MAP7: variants seen among roughly 807,000 people sequenced by gnomAD.
MAP7 encodes ensconsin.
A neutral mutation model predicts 94.8 loss-of-function variants in MAP7; 52 were observed. The observed-to-expected ratio is 0.55, with a 90% CI of 0.44 to 0.69. MAP7 has a LOEUF of 0.69. MAP7 is among the 30% of genes least tolerant of loss of function. The pLI, the probability that MAP7 is intolerant of heterozygous loss-of-function variation, is 0.00. For synonymous variants in MAP7, 350 were observed against 357.0 expected, an observed-to-expected ratio of 0.98 and a Z score of 0.22; for missense variants, 940 against 964.6, an observed-to-expected ratio of 0.97 and a Z score of 0.34.
Position 136,389,530 on chromosome 6 carries a change from TTAA to T in MAP7, c.245-16_245-14del, listed in dbSNP as rs751431543. The T allele has an allele frequency of 3.9e-4, 615 of 1,581,848 alleles. 1 individual carries two copies. Among genetic ancestry groups the T allele is most frequent in the Admixed American group, 3.5e-3 (196 of 55,714 alleles). Reference sequence around the variant, plus strand: ...ATTTCTCTTGCAGCTTTGGGGAGGGTTAAAAAAAAAAAAAAAGAGGGAAATCAA... The same window carrying T: ...ATTTCTCTTGCAGCTTTGGGGAGGGTAAAAAAAAAAAAAGAGGGAAATCAA... On this transcript the variant is annotated splice_polypyrimidine_tract_variant and intron_variant, in intron 3 of 17. Coordinates refer to ENST00000354570, the MANE Select transcript of MAP7 (RefSeq NM_003980.6).
intron 1 of MAP7, among the ~76,000 whole-genome samples, chr6:136,456,767 G>GGAGGAGGAAGAAGAAGAAGAAGAA (rs1179338276): frequency 2.8e-4 from 17 of 60,590 alleles, no homozygotes; most frequent in East Asian, 1.0e-3. Flanking sequence ...AGGAGGAGGA[G>GGAGGAGGAAGAAGAAGAAGAAGAA]GAAGAAGAAG....
chr6:136,449,296 C>CAAACA (rs1390095139), intron 1 of MAP7, among the ~76,000 whole-genome samples: 1 of 147,286 alleles, frequency 6.8e-6, no homozygotes, highest in Non-Finnish European at 1.5e-5. Context: ...CTCCTTCAAA[C>CAAACA]AAACAAACAA....
intron 1 of MAP7, among the ~76,000 whole-genome samples, chr6:136,434,164 G>A (rs962972399): frequency 2.6e-5 from 4 of 151,942 alleles, no homozygotes; most frequent in Admixed American, 6.6e-5. Flanking sequence ...AAGATTAGCC[G>A]GGCGTGGTGG....
chr6:136,439,962 G>C (rs1037292848), intron 1 of MAP7, among the ~76,000 whole-genome samples: 1 of 152,186 alleles, frequency 6.6e-6, no homozygotes, highest in Non-Finnish European at 1.5e-5. Context: ...CTGATGGCTA[G>C]TTTAATAGTG....
intron 7 of MAP7, 122 bp downstream of exon 7, chr6:136,377,633 C>T: frequency 1.4e-6 from 1 of 698,426 alleles, no homozygotes. Context: ...CCAACACCGA[C>T]AGACATTTCC....
chr6:136,423,782 G>GTTT (rs60134746), intron 1 of MAP7, among the ~76,000 whole-genome samples: 6 of 136,132 alleles, frequency 4.4e-5, no homozygotes, highest in Admixed American at 7.2e-5. Context: ...AGGGAGTTGT[G>GTTT]TTTTTTTTTT....
chr6:136,458,997 T>C (rs1562425106), intron 1 of MAP7, among the ~76,000 whole-genome samples: 1 of 151,966 alleles, frequency 6.6e-6, no homozygotes, highest in African/African-American at 2.4e-5. Context: ...GCAAACCATA[T>C]CATCTGATGA....
intron 2 of MAP7, among the ~76,000 whole-genome samples, chr6:136,417,932 T>A (rs944438075): frequency 3.3e-5 from 5 of 152,220 alleles, no homozygotes; most frequent in African/African-American, 9.7e-5. Context: ...GAAGGATTTT[T>A]AATGAATTTG....
chr6:136,439,170 T>A (rs1367803140), intron 1 of MAP7, among the ~76,000 whole-genome samples: 1 of 152,176 alleles, frequency 6.6e-6, no homozygotes, highest in Non-Finnish European at 1.5e-5. Flanking sequence ...TGCCAACCTA[T>A]GACCCAATGT....
chr6:136,489,172 AT>A (rs56375752), intron 1 of MAP7, among the ~76,000 whole-genome samples: 40,502 of 150,062 alleles, frequency 0.27, 6,914 homozygotes, highest in African/African-American at 0.48. Flanking sequence ...GACTAGTTGT[AT>A]TTTTTTTTTA....
At chr6:136,373,331 T>C (rs891520886) in intron 7 of MAP7, among the ~76,000 whole-genome samples, 9 of 152,210 alleles carry the variant, frequency 5.9e-5, no homozygotes, top group Non-Finnish European at 1.3e-4. Context: ...ATTTGATAGT[T>C]CATAAGAAGC....
At chr6:136,421,268 A>C (rs1791252837) in intron 2 of MAP7, among the ~76,000 whole-genome samples, 1 of 152,268 alleles carries the variant, frequency 6.6e-6, no homozygotes, top group Non-Finnish European at 1.5e-5. Flanking sequence ...TTCTTGAAAT[A>C]GTTTTTGAAA....
At chr6:136,400,331 A>C (rs1407071128) in intron 3 of MAP7, among the ~76,000 whole-genome samples, 2 of 151,344 alleles carry the variant, frequency 1.3e-5, no homozygotes, top group Non-Finnish European at 2.9e-5. Flanking sequence ...CAGGAGAATC[A>C]CTTGAACCTG....
At chr6:136,446,642 G>C (rs969220584) in intron 1 of MAP7, among the ~76,000 whole-genome samples, 1 of 152,104 alleles carries the variant, frequency 6.6e-6, no homozygotes, top group Non-Finnish European at 1.5e-5. Flanking sequence ...GGCTACTTAG[G>C]GGCTGCTGGC....
chr6:136,504,361 T>TG (rs1013045722), intron 1 of MAP7, among the ~76,000 whole-genome samples: 6 of 151,818 alleles, frequency 4.0e-5, no homozygotes, highest in South Asian at 2.1e-4. Context: ...GTTTTTTTTT[T>TG]GGGGGGGAAC....
chr6:136,417,237 G>A (rs76257538), intron 2 of MAP7, among the ~76,000 whole-genome samples: 2,554 of 152,260 alleles, frequency 0.017, 28 homozygotes, highest in South Asian at 0.031. Context: ...TAGAACTTAG[G>A]CTTAATTAAG....
intron 6 of MAP7, among the ~76,000 whole-genome samples, chr6:136,378,710 C>T (rs1776925666): frequency 6.6e-6 from 1 of 152,192 alleles, no homozygotes; most frequent in African/African-American, 2.4e-5. Context: ...AGGCCATAGT[C>T]AGGACATGTA....
intron 1 of MAP7, among the ~76,000 whole-genome samples, chr6:136,484,763 TATC>T (rs1814078151): frequency 1.3e-5 from 2 of 152,318 alleles, no homozygotes; most frequent in Non-Finnish European, 2.9e-5. Context: ...GGAGTGGTGT[TATC>T]ATAGCTCACT....
intron 1 of MAP7, among the ~76,000 whole-genome samples, chr6:136,456,822 G>GGAAGAAGAAGAAGAAGAAGAA (rs56284655): frequency 1.4e-5 from 1 of 69,022 alleles, no homozygotes; most frequent in Admixed American, 1.8e-4. Flanking sequence ...AGAAGAAGAA[G>GGAAGAAGAAGAAGAAGAAGAA]GAAGAAGAAG....
Sources: allele counts gnomAD v4.1 joint callset (sites outside exome capture counted in the v4.1 genomes callset), GRCh38; gene constraint gnomAD v4.1.1; transcripts MANE v1.5; gene names NCBI Gene and HGNC (gene_info 2026-07-23, HGNC 2026-07-21).